POLA1: variants seen among roughly 807,000 people sequenced by gnomAD.
POLA1 encodes DNA polymerase alpha catalytic subunit.
A neutral mutation model predicts 124.0 loss-of-function variants in POLA1; 15 were observed. The ratio of observed to expected loss-of-function variants is 0.12; its 90% CI spans 0.08 to 0.19. The LOEUF (loss-of-function observed/expected upper bound fraction) is 0.19, where lower values mean the gene tolerates loss of function less well. Ranked by LOEUF, POLA1 falls within the 10% of genes least tolerant of loss-of-function variation. The pLI, the probability that POLA1 is intolerant of heterozygous loss-of-function variation, is 1.00. For synonymous variants in POLA1, 408 were observed against 389.4 expected, an observed-to-expected ratio of 1.05 and a Z score of -0.56; for missense variants, 886 against 1,103.4, an observed-to-expected ratio of 0.80 and a Z score of 2.79.
At chrX:24,930,574 T>C in intron 36 of POLA1, 25 bp downstream of exon 36, 1 of 965,938 alleles carries the variant, frequency 1.0e-6, no homozygotes. Context: ...TGTAATTACC[T>C]TTGAGTTTAA....
chrX:24,820,862 A>C (rs761117789), intron 30 of POLA1, among the ~76,000 whole-genome samples: 66 of 111,510 alleles, frequency 5.9e-4, no homozygotes, highest in Middle Eastern at 4.6e-3. Context: ...TTATTCCGCA[A>C]ATATTTGGCT....
chrX:24,786,855 C>T (rs766455963), intron 26 of POLA1, among the ~76,000 whole-genome samples: 27 of 107,865 alleles, frequency 2.5e-4, no homozygotes, highest in African/African-American at 9.1e-4. Flanking sequence ...CACCATGCCC[C>T]TCTAATTTTT....
At chrX:24,869,361 A>G (rs1314987136) in intron 34 of POLA1, among the ~76,000 whole-genome samples, 1 of 112,495 alleles carries the variant, frequency 8.9e-6, no homozygotes, top group African/African-American at 3.2e-5. Context: ...GAACACACCC[A>G]AAGGCTGATA....
chrX:24,914,258 T>A (rs776644616), intron 35 of POLA1, among the ~76,000 whole-genome samples: 1 of 110,730 alleles, frequency 9.0e-6, no homozygotes, highest in Admixed American at 9.7e-5. Context: ...AGATTTTTTT[T>A]AATAGAATTT....
At chrX:24,918,160 A>G (rs1368652049) in intron 35 of POLA1, among the ~76,000 whole-genome samples, 2 of 107,881 alleles carry the variant, frequency 1.9e-5, no homozygotes, top group African/African-American at 3.4e-5. Context: ...ATCTACCTCT[A>G]CACTTTCTGC....
chrX:24,969,585 C>A (rs2048274493), intron 36 of POLA1, among the ~76,000 whole-genome samples: 1 of 110,878 alleles, frequency 9.0e-6, no homozygotes, highest in Admixed American at 9.6e-5. Context: ...TTTGAAAGAG[C>A]ACTAATGTAC....
intron 36 of POLA1, among the ~76,000 whole-genome samples, chrX:24,993,881 C>CGAGTGACG (rs2048566374): frequency 8.9e-6 from 1 of 112,008 alleles, no homozygotes; most frequent in South Asian, 3.8e-4. Flanking sequence ...GGAAGAGCAC[C>CGAGTGACG]GAGTGACGCT....
At chrX:24,870,251 G>A in intron 34 of POLA1, among the ~76,000 whole-genome samples, 1 of 111,849 alleles carries the variant, frequency 8.9e-6, no homozygotes, top group Non-Finnish European at 1.9e-5. Context: ...TTTCATACTG[G>A]TATGTAAAAT....
intron 34 of POLA1, among the ~76,000 whole-genome samples, chrX:24,872,919 T>A (rs1255363079): frequency 9.0e-6 from 1 of 111,280 alleles, no homozygotes; most frequent in Non-Finnish European, 1.9e-5. Flanking sequence ...ACAGCACAAT[T>A]TCAGAGTAAG....
intron 4 of POLA1, among the ~76,000 whole-genome samples, chrX:24,707,148 C>T (rs1437114170): frequency 8.9e-6 from 1 of 112,233 alleles, no homozygotes; most frequent in Non-Finnish European, 1.9e-5. Flanking sequence ...AGAGAATGAG[C>T]TCATGTGCCA....
intron 2 of POLA1, among the ~76,000 whole-genome samples, chrX:24,701,410 A>T (rs1222320489): frequency 9.5e-6 from 1 of 104,850 alleles, no homozygotes; most frequent in Non-Finnish European, 2.0e-5. Flanking sequence ...TTTCTCCCGT[A>T]CTCCATTTGA....
intron 26 of POLA1, among the ~76,000 whole-genome samples, chrX:24,777,893 A>G (rs2045173227): frequency 8.9e-6 from 1 of 112,564 alleles, no homozygotes; most frequent in Non-Finnish European, 1.9e-5. Flanking sequence ...AGGAAGTGAA[A>G]CAAAGGACTG....
chrX:24,920,231 T>G, intron 35 of POLA1, among the ~76,000 whole-genome samples: 1 of 111,164 alleles, frequency 9.0e-6, no homozygotes. Context: ...AGAGCAAAAA[T>G]TATAAAATTA....
chrX:24,989,214 A>G (rs185437318), intron 36 of POLA1, among the ~76,000 whole-genome samples: 1 of 111,458 alleles, frequency 9.0e-6, no homozygotes, highest in African/African-American at 3.3e-5. Context: ...GGAATGTTTA[A>G]GAAGCACAAA....
intron 26 of POLA1, among the ~76,000 whole-genome samples, chrX:24,753,163 C>T (rs1340955753): frequency 2.8e-5 from 3 of 107,133 alleles, no homozygotes; most frequent in Non-Finnish European, 5.8e-5. Context: ...ACACTACAGG[C>T]GCCCACCACC....
At chrX:24,727,141 G>A in intron 14 of POLA1, 70 bp downstream of exon 14, 6 of 902,422 alleles carry the variant, frequency 6.6e-6, no homozygotes, top group Non-Finnish European at 9.4e-6. Context: ...AGGGAAGTTA[G>A]GAAATTGATC....
chrX:24,860,639 C>G lies in POLA1; in HGVS notation c.4047+16962C>G, dbSNP rs185768414. 5.1e-3 allele frequency among the ~76,000 whole-genome samples: 569 copies of G among 112,549 alleles called. 2 individuals are homozygous for G. The highest frequency in any genetic ancestry group is 8.3e-3 in the Non-Finnish European group (440 of 53,302). On this transcript the variant is annotated intron_variant, in intron 34 of 36. Coordinates refer to ENST00000379068, the MANE Select transcript of POLA1 (RefSeq NM_001330360.2). ...TCTGGGGTTGCTAGTAGAAGCAACTCTGTAGGAATAAGCTAGAGCAAAGGA... is the reference window on the plus strand; with the variant it reads ...TCTGGGGTTGCTAGTAGAAGCAACTGTGTAGGAATAAGCTAGAGCAAAGGA...
At chrX:24,760,263 G>A (rs11573379) in intron 26 of POLA1, among the ~76,000 whole-genome samples, 4,413 of 110,966 alleles carry the variant, frequency 0.04, 91 homozygotes, top group Non-Finnish European at 0.058. Context: ...TAGATGGATT[G>A]GAGAGAAAGG....
At chrX:24,733,305 G>A (rs138362684) in intron 16 of POLA1, among the ~76,000 whole-genome samples, 46 of 112,205 alleles carry the variant, frequency 4.1e-4, no homozygotes, top group African/African-American at 1.5e-3. Flanking sequence ...ATTTCAACAC[G>A]CATTTATTCA....
Sources: gnomAD v4.1 joint callset for allele counts (sites outside exome capture counted in the v4.1 genomes callset) on GRCh38, gnomAD v4.1.1 for gene constraint, MANE v1.5 for transcripts, NCBI Gene and HGNC (gene_info 2026-07-23, HGNC 2026-07-21) for gene names.